DDX46: variants seen among roughly 807,000 people sequenced by gnomAD.
The protein encoded by DDX46 is probable ATP-dependent RNA helicase DDX46.
A neutral mutation model predicts 134.9 loss-of-function variants in DDX46; 30 were observed. That is an observed-to-expected ratio of 0.22 (90% CI 0.17 to 0.30). The LOEUF (loss-of-function observed/expected upper bound fraction) is 0.30, where lower values mean the gene tolerates loss of function less well. Ranked by LOEUF, DDX46 falls within the 10% of genes least tolerant of loss-of-function variation. The probability of loss-of-function intolerance (pLI) is 1.00; values close to 1 mark genes in which losing one functional copy is unlikely to be tolerated. For synonymous variants in DDX46, 415 were observed against 404.1 expected (o/e 1.03, Z -0.32); for missense variants, 622 against 1,248.7 (o/e 0.50, Z 7.56).
chr5:134,801,183 G>A (rs1049185212), intron 15 of DDX46, among the ~76,000 whole-genome samples: 3 of 151,978 alleles, frequency 2.0e-5, no homozygotes, highest in Admixed American at 6.6e-5. Flanking sequence ...AGGTGGGAGG[G>A]AGGATTGTTT....
rs1561862094 is a variant in DDX46 at position 134,788,501 on chromosome 5, C to CT, written c.1465-6dup. 6.2e-7 allele frequency: 1 copy of CT among 1,610,790 alleles called. No individual in the cohort carries two copies. The stretch of plus-strand genomic sequence containing the variant: ...TTAGTAATAGACTATAAAGTTTCAT[C>CT]TTTTTTATTAGATTGCTGAGCTGAA... On this transcript the variant is annotated splice_polypyrimidine_tract_variant and intron_variant, in intron 11 of 22. Transcript: ENST00000452510.
chr5:134,821,039 GTT>G (rs775510506), intron 21 of DDX46, among the ~76,000 whole-genome samples: 8 of 127,200 alleles, frequency 6.3e-5, no homozygotes, highest in Non-Finnish European at 5.1e-5. Flanking sequence ...GCTAATTTTC[GTT>G]TTTTTTTTTT....
At chr5:134,787,163 A>G (rs577459743) in intron 11 of DDX46, among the ~76,000 whole-genome samples, 4 of 152,160 alleles carry the variant, frequency 2.6e-5, no homozygotes, top group South Asian at 2.1e-4. Context: ...GGCTCAAGCA[A>G]TCTGCTTGCC....
chr5:134,796,547 T>C (rs777095351), intron 15 of DDX46, among the ~76,000 whole-genome samples: 10 of 152,218 alleles, frequency 6.6e-5, no homozygotes, highest in Non-Finnish European at 1.0e-4. Flanking sequence ...TATCACAGTA[T>C]GTGGAACTAG....
intron 20 of DDX46, 152 bp from the exon 21 acceptor site, chr5:134,818,708 G>GA (rs937947540): frequency 0.072 from 23,172 of 323,578 alleles, no homozygotes; most frequent in Middle Eastern, 0.11. Context: ...CGTCTCAAAA[G>GA]AAAAAAAAAA....
rs557892488 is a variant in DDX46 at position 134,792,930 on chromosome 5, G to A, written c.1627-1920G>A. On this transcript the variant is annotated intron_variant, in intron 13 of 22. Coordinates refer to ENST00000452510, the MANE Select transcript of DDX46 (RefSeq NM_001300860.2). ...TGCACTTTGGGAGGTCGAGGCAGGT[G>A]GATTGCTTGAATTCAGGAGTTCAAG... 1.4e-4 allele frequency among the ~76,000 whole-genome samples: 22 copies of A among 152,214 alleles called. No individual in the cohort carries two copies. In the South Asian group the frequency reaches 4.4e-3, roughly 30 times the overall value.
At chr5:134,779,850 A>G (rs1353877697) in intron 6 of DDX46, among the ~76,000 whole-genome samples, 1 of 152,192 alleles carries the variant, frequency 6.6e-6, no homozygotes, top group African/African-American at 2.4e-5. Flanking sequence ...TGTAATCCCA[A>G]CATTTTGGGA....
At chr5:134,799,773 A>G (rs995176418) in intron 15 of DDX46, among the ~76,000 whole-genome samples, 1 of 151,496 alleles carries the variant, frequency 6.6e-6, no homozygotes, top group Non-Finnish European at 1.5e-5. Flanking sequence ...ATCTGGGCAC[A>G]GTGTTGCATG....
intron 9 of DDX46, among the ~76,000 whole-genome samples, chr5:134,783,701 C>T (rs1754240536): frequency 6.7e-6 from 1 of 149,716 alleles, no homozygotes; most frequent in Non-Finnish European, 1.5e-5. Context: ...AGGCATGTGC[C>T]ACCATGCCTG....
chr5:134,781,028 GA>G (rs769658560), intron 6 of DDX46, 104 bp from the exon 7 acceptor site: 36 of 808,690 alleles, frequency 4.5e-5, no homozygotes, highest in Middle Eastern at 3.3e-4. Context: ...ACTAAAAAAA[GA>G]AAAAAAACTA....
intron 15 of DDX46, chr5:134,797,186 A>AAAAAAAAAC (rs1754687171): frequency 6.9e-6 from 2 of 291,154 alleles, no homozygotes; most frequent in African/African-American, 2.3e-5. Flanking sequence ...AAAAAAAAAA[A>AAAAAAAAAC]AAAAAAAAAA....
chr5:134,764,007 A>G lies in DDX46; in HGVS notation c.121A>G (p.Arg41Gly). 1 of 1,614,220 alleles carries G rather than the reference A, an allele frequency of 6.2e-7. No individual in the cohort carries two copies. The highest frequency in any genetic ancestry group is 8.5e-7 in the Non-Finnish European group (1 of 1,180,036). Reference protein sequence around the residue: ...RSKRGDDRRSRSRDRDRRRER... With the variant: ...RSKRGDDRRSGSRDRDRRRER... ...TAAACGTGGAGATGACAGACGGTCT[A>G]GAAGTAGAGATAGAGATAGGAGGAG... The change falls in exon 2 of 23, where the codon AGA becomes GGA. Residue 41 changes from arginine (R) to glycine (G), a missense_variant. Arg to Gly is a moderately radical substitution (Grantham distance 125, BLOSUM62 -2). Coordinates refer to ENST00000452510, the MANE Select transcript of DDX46 (RefSeq NM_001300860.2).
At chr5:134,825,067 T>A (rs991025836) in intron 21 of DDX46, among the ~76,000 whole-genome samples, 1 of 152,186 alleles carries the variant, frequency 6.6e-6, no homozygotes, top group Non-Finnish European at 1.5e-5. Flanking sequence ...TTACAAGAAG[T>A]TACATAAGTC....
chr5:134,782,916 G>C, intron 8 of DDX46, 29 bp from the exon 9 acceptor site: 1 of 1,605,074 alleles, frequency 6.2e-7, no homozygotes, highest in Non-Finnish European at 8.5e-7. Flanking sequence ...CAATATTTAA[G>C]AACTTTTAAT....
chr5:134,810,667 T>A (rs1049373293), intron 16 of DDX46, among the ~76,000 whole-genome samples: 1 of 151,204 alleles, frequency 6.6e-6, no homozygotes, highest in Non-Finnish European at 1.5e-5. Flanking sequence ...TCTACCTCTG[T>A]GTAAAGAAAT....
intron 13 of DDX46, among the ~76,000 whole-genome samples, chr5:134,793,773 T>C (rs1324357230): frequency 6.6e-6 from 1 of 152,204 alleles, no homozygotes; most frequent in African/African-American, 2.4e-5. Flanking sequence ...TCCCTAGGGT[T>C]TACTGTTTTT....
At chr5:134,824,868 C>T (rs1171639776) in intron 21 of DDX46, among the ~76,000 whole-genome samples, 2 of 152,104 alleles carry the variant, frequency 1.3e-5, no homozygotes, top group African/African-American at 4.8e-5. Context: ...TCCAGGCCTC[C>T]CACCAGGCAA....
At chr5:134,792,860 A>G (rs933452937) in intron 13 of DDX46, among the ~76,000 whole-genome samples, 10 of 152,216 alleles carry the variant, frequency 6.6e-5, no homozygotes, top group African/African-American at 2.4e-4. Context: ...TTGATAACTG[A>G]AAACCTGCTG....
intron 5 of DDX46, among the ~76,000 whole-genome samples, chr5:134,777,268 A>G (rs990662715): frequency 6.6e-6 from 1 of 152,250 alleles, no homozygotes; most frequent in Non-Finnish European, 1.5e-5. Context: ...ATCCAGCTGT[A>G]TAGCTGTAAA....
Sources: gnomAD v4.1 joint callset for allele counts (sites outside exome capture counted in the v4.1 genomes callset) on GRCh38, gnomAD v4.1.1 for gene constraint, MANE v1.5 for transcripts, NCBI Gene and HGNC (gene_info 2026-07-23, HGNC 2026-07-21) for gene names.